The following KIAA1217 variants were observed in gnomAD, a reference collection of about 807,000 sequenced individuals.
KIAA1217 encodes the protein sickle tail protein homolog.
A neutral mutation model predicts 163.9 loss-of-function variants in KIAA1217; 88 were observed. That is an observed-to-expected ratio of 0.54 (90% CI 0.45 to 0.64). The LOEUF is 0.64. Among genes scored for constraint, KIAA1217 ranks in the 30% least tolerant of loss-of-function variants. KIAA1217 has a pLI of 0.00. For missense variants in KIAA1217, 2,372 were observed against 2,475.0 expected, an observed-to-expected ratio of 0.96 and a Z score of 0.88; for synonymous variants, 903 against 923.1, an observed-to-expected ratio of 0.98 and a Z score of 0.39.
intron 5 of KIAA1217, among the ~76,000 whole-genome samples, chr10:24,464,907 A>G (rs1223404299): frequency 1.3e-5 from 2 of 152,184 alleles, no homozygotes; most frequent in Non-Finnish European, 2.9e-5. Flanking sequence ...CTTCACATAC[A>G]GTCACTGGGA....
intron 1 of KIAA1217, among the ~76,000 whole-genome samples, chr10:23,996,283 G>T (rs1846476493): frequency 6.6e-6 from 1 of 152,124 alleles, no homozygotes. Context: ...AGTTATTGTA[G>T]TTGTGCTTAT....
chr10:23,795,742 G>A (rs1004391083), intron 1 of KIAA1217, among the ~76,000 whole-genome samples: 6 of 152,098 alleles, frequency 3.9e-5, no homozygotes, highest in Non-Finnish European at 5.9e-5. Context: ...AACAAAGAGT[G>A]GTAGTCAGAG....
At chr10:23,803,680 T>C (rs1232946940) in intron 1 of KIAA1217, among the ~76,000 whole-genome samples, 1 of 152,234 alleles carries the variant, frequency 6.6e-6, no homozygotes, top group African/African-American at 2.4e-5. Context: ...TTGTTTATGA[T>C]GTACTTTTCT....
At chr10:24,515,414 T>C (rs2069947531) in intron 10 of KIAA1217, among the ~76,000 whole-genome samples, 1 of 152,218 alleles carries the variant, frequency 6.6e-6, no homozygotes, top group South Asian at 2.1e-4. Flanking sequence ...TTAGCTGAGA[T>C]AATTCTCACT....
intron 3 of KIAA1217, among the ~76,000 whole-genome samples, chr10:24,409,960 T>C (rs886498787): frequency 3.3e-5 from 5 of 150,874 alleles, no homozygotes; most frequent in Admixed American, 2.6e-4. Flanking sequence ...CATATATATA[T>C]CACAATTTCT....
chr10:23,834,664 A>C (rs1838364368), intron 1 of KIAA1217, among the ~76,000 whole-genome samples: 2 of 152,212 alleles, frequency 1.3e-5, no homozygotes, highest in South Asian at 4.1e-4. Flanking sequence ...TGTGGCTGGA[A>C]TGAAGAAAGG....
chr10:24,523,645 C>T (rs2071641255), intron 12 of KIAA1217, among the ~76,000 whole-genome samples: 1 of 151,626 alleles, frequency 6.6e-6, no homozygotes, highest in Non-Finnish European at 1.5e-5. Context: ...CCATCGTCAT[C>T]CCCATCTTCA....
chr10:23,894,691 G>A lies in KIAA1217; in HGVS notation c.-320-112534G>A, dbSNP rs36131418. 2.1e-5 allele frequency among the ~76,000 whole-genome samples: 3 copies of A among 139,630 alleles called. No homozygotes were observed. The South Asian group carries it at 7.0e-4, about 32-fold the overall frequency. The allele number at this position is 139,630 out of a possible 152,430, so 91.6% of individuals were successfully genotyped here. On this transcript the variant is annotated intron_variant, in intron 1 of 18. Coordinates refer to the KIAA1217 transcript ENST00000376462. ...AGAGCCCGCATCGCCAAGTCAATCCGAAGCCAAAAGAACAAAGCTGGAGGC... is the reference window on the plus strand; with the variant it reads ...AGAGCCCGCATCGCCAAGTCAATCCAAAGCCAAAAGAACAAAGCTGGAGGC...
At chr10:23,719,646 A>G (rs923158046) in intron 1 of KIAA1217, among the ~76,000 whole-genome samples, 3 of 150,674 alleles carry the variant, frequency 2.0e-5, no homozygotes, top group South Asian at 4.1e-4. Flanking sequence ...GGCTATATCT[A>G]TATATATCAC....
At chr10:24,141,232 C>CCCG (rs1554882541) in intron 2 of KIAA1217, among the ~76,000 whole-genome samples, 7 of 124,068 alleles carry the variant, frequency 5.6e-5, no homozygotes, top group Non-Finnish European at 1.0e-4. Flanking sequence ...TAAACCCCCC[C>CCCG]CCCCCATTTC....
chr10:24,541,017 C>T (rs1433484890), intron 17 of KIAA1217, among the ~76,000 whole-genome samples: 1 of 152,010 alleles, frequency 6.6e-6, no homozygotes, highest in Non-Finnish European at 1.5e-5. Context: ...GATCCACCCA[C>T]CTTAGCCTCC....
chr10:24,424,727 C>T (rs1417915270), intron 3 of KIAA1217, among the ~76,000 whole-genome samples: 2 of 152,150 alleles, frequency 1.3e-5, no homozygotes, highest in Non-Finnish European at 2.9e-5. Flanking sequence ...CTCAGCCTCC[C>T]GAGTAGCTGG....
At chr10:24,092,668 A>G (rs905642870) in intron 2 of KIAA1217, among the ~76,000 whole-genome samples, 4 of 151,632 alleles carry the variant, frequency 2.6e-5, no homozygotes, top group Non-Finnish European at 2.9e-5. Context: ...ACTATGTACC[A>G]TATGATTTCA....
chr10:23,802,813 T>C (rs554727806), intron 1 of KIAA1217, among the ~76,000 whole-genome samples: 3 of 152,324 alleles, frequency 2.0e-5, no homozygotes, highest in African/African-American at 7.2e-5. Flanking sequence ...CCTGACTCTG[T>C]CCCTTAGAGT....
chr10:23,945,383 A>T (rs1226208491), intron 1 of KIAA1217, among the ~76,000 whole-genome samples: 1 of 152,228 alleles, frequency 6.6e-6, no homozygotes, highest in African/African-American at 2.4e-5. Flanking sequence ...TAAATACTGT[A>T]TTATTCCATT....
chr10:23,987,584 C>T (rs1173332485), intron 1 of KIAA1217, among the ~76,000 whole-genome samples: 1 of 148,820 alleles, frequency 6.7e-6, no homozygotes, highest in Non-Finnish European at 1.5e-5. Flanking sequence ...TTAATGTATT[C>T]ATTACCTCAC....
intron 2 of KIAA1217, among the ~76,000 whole-genome samples, chr10:24,371,872 A>G (rs1394650218): frequency 6.6e-6 from 1 of 152,100 alleles, no homozygotes; most frequent in African/African-American, 2.4e-5. Flanking sequence ...TAATTCTCTG[A>G]TTTGTAAAAA....
chr10:24,507,238 G>GA (rs1310160265), intron 9 of KIAA1217, among the ~76,000 whole-genome samples: 2 of 152,080 alleles, frequency 1.3e-5, no homozygotes, highest in African/African-American at 4.8e-5. Context: ...ATCTGTAAAG[G>GA]AAAACAACAA....
intron 1 of KIAA1217, among the ~76,000 whole-genome samples, chr10:23,963,484 A>G (rs1844910035): frequency 3.3e-5 from 5 of 152,162 alleles, no homozygotes; most frequent in Non-Finnish European, 7.3e-5. Flanking sequence ...CATGGTGTAT[A>G]TGAGCCATAT....
Sources: allele counts gnomAD v4.1 joint callset (sites outside exome capture counted in the v4.1 genomes callset), GRCh38; gene constraint gnomAD v4.1.1; transcripts MANE v1.5; gene names NCBI Gene and HGNC (gene_info 2026-07-23, HGNC 2026-07-21).